Variants in WDR7 observed in about 807,000 individuals in gnomAD.
The protein encoded by WDR7 is WD repeat domain 7.
Under a neutral mutation model 169.4 loss-of-function variants are expected in WDR7, and 46 were observed. The observed-to-expected ratio is 0.27, with a 90% CI of 0.21 to 0.35. The LOEUF (loss-of-function observed/expected upper bound fraction) is 0.35, where lower values mean the gene tolerates loss of function less well. Among genes scored for constraint, WDR7 ranks in the 10% least tolerant of loss-of-function variants. The pLI is 1.00. For missense variants in WDR7, 1,534 were observed against 1,859.3 expected, an observed-to-expected ratio of 0.83 and a Z score of 3.22; for synonymous variants, 612 against 666.8, an observed-to-expected ratio of 0.92 and a Z score of 1.27.
At chr18:56,981,864 A>G (rs2047649712) in intron 26 of WDR7, among the ~76,000 whole-genome samples, 2 of 152,202 alleles carry the variant, frequency 1.3e-5, no homozygotes, top group African/African-American at 4.8e-5. Context: ...TTTGCTTTTT[A>G]AGATGTCTGT....
chr18:56,753,746 G>A (rs1316005839), intron 14 of WDR7, among the ~76,000 whole-genome samples: 1 of 151,994 alleles, frequency 6.6e-6, no homozygotes, highest in Admixed American at 6.6e-5. Context: ...TAAAGGAAGA[G>A]CATTTTGGGA....
intron 20 of WDR7, among the ~76,000 whole-genome samples, chr18:56,866,783 A>C (rs943319259): frequency 6.6e-6 from 1 of 151,946 alleles, no homozygotes; most frequent in Non-Finnish European, 1.5e-5. Context: ...TCTTGACTTT[A>C]TGTTCCTTTT....
At chr18:56,901,654 C>A (rs2046403595) in intron 21 of WDR7, among the ~76,000 whole-genome samples, 1 of 152,014 alleles carries the variant, frequency 6.6e-6, no homozygotes, top group Non-Finnish European at 1.5e-5. Flanking sequence ...TGTACAAATT[C>A]TATATTTAAC....
intron 25 of WDR7, among the ~76,000 whole-genome samples, chr18:56,944,082 A>G (rs1258269019): frequency 7.5e-6 from 1 of 134,104 alleles, no homozygotes; most frequent in Middle Eastern, 5.0e-3. Context: ...TCTGCCTCCC[A>G]GGTTCAAGCA....
intron 1 of WDR7, among the ~76,000 whole-genome samples, chr18:56,662,637 G>T (rs1273545120): frequency 6.6e-6 from 1 of 152,108 alleles, no homozygotes; most frequent in Non-Finnish European, 1.5e-5. Flanking sequence ...TTCACTTGAG[G>T]CAAACGTTAG....
intron 5 of WDR7, among the ~76,000 whole-genome samples, chr18:56,685,479 G>A (rs955825057): frequency 1.3e-5 from 2 of 152,096 alleles, no homozygotes; most frequent in African/African-American, 4.8e-5. Flanking sequence ...TGAAGCTTAG[G>A]AACTTAGATT....
intron 14 of WDR7, among the ~76,000 whole-genome samples, chr18:56,746,526 G>A (rs1356569554): frequency 6.6e-6 from 1 of 152,078 alleles, no homozygotes; most frequent in African/African-American, 2.4e-5. Flanking sequence ...ATATGCTTGT[G>A]CCACCCTTCA....
At chr18:57,014,200 C>T (rs1431430736) in intron 26 of WDR7, among the ~76,000 whole-genome samples, 1 of 151,842 alleles carries the variant, frequency 6.6e-6, no homozygotes, top group Non-Finnish European at 1.5e-5. Context: ...ATGGCATGCA[C>T]CTGTAATCCC....
In WDR7 at chr18:56,655,798, C is replaced by T. The variant is rs543782847; in HGVS notation, c.-20+4222C>T. 3.3e-5 allele frequency among the ~76,000 whole-genome samples: 5 copies of T among 152,240 alleles called. No individual in the cohort carries two copies. The South Asian group carries it at 6.2e-4, about 19-fold the overall frequency. On this transcript the variant is annotated intron_variant, in intron 1 of 27. Coordinates refer to ENST00000254442, the MANE Select transcript of WDR7 (RefSeq NM_015285.3). ...TACCAGAGTGCTATATAAATGGAATCCTATAGCATGTAATCTTTTGAAATT... is the reference window on the plus strand; with the variant it reads ...TACCAGAGTGCTATATAAATGGAATTCTATAGCATGTAATCTTTTGAAATT...
chr18:56,913,438 CATCTAATCCCTAAATTA>C (rs1222628283), intron 21 of WDR7, among the ~76,000 whole-genome samples: 76 of 152,182 alleles, frequency 5.0e-4, no homozygotes, highest in African/African-American at 1.8e-3. Flanking sequence ...GTCATGACTA[CATCTAATCCCTAAATTA>C]ATCCTGTCCA....
chr18:56,965,506 A>G (rs117177064), intron 26 of WDR7, among the ~76,000 whole-genome samples: 6 of 150,668 alleles, frequency 4.0e-5, no homozygotes, highest in Admixed American at 4.0e-4. Context: ...AAACCACAGG[A>G]TAAGTATGGC....
intron 6 of WDR7, 42 bp downstream of exon 6, chr18:56,686,074 T>C: frequency 6.6e-7 from 1 of 1,521,238 alleles, no homozygotes; most frequent in Non-Finnish European, 8.9e-7. Context: ...GTTTTTATTC[T>C]CTGTAGCTCA....
At chr18:57,030,370 C>A (rs775760593), downstream of WDR7, 1 of 152,174 alleles carries the variant, frequency 6.6e-6, no homozygotes, top group Non-Finnish European at 1.5e-5. Flanking sequence ...TGTAAGAATT[C>A]GGTGAACATT....
intron 19 of WDR7, among the ~76,000 whole-genome samples, chr18:56,797,247 G>A (rs140993990): frequency 6.2e-4 from 95 of 152,228 alleles, no homozygotes; most frequent in African/African-American, 2.0e-3. Flanking sequence ...CTAATCTTGT[G>A]GATGTAGAAG....
Position 56,939,304 on chromosome 18 carries a change from G to C in WDR7, c.3982-7G>C, listed in dbSNP as rs763419444. 1 of 1,497,106 alleles carries C rather than the reference G, an allele frequency of 6.7e-7. No individual in the cohort carries two copies. Among genetic ancestry groups the C allele is most frequent in the African/African-American group, 1.4e-5 (1 of 69,950 alleles). The allele number at this position is 1,497,106 out of a possible 1,614,324, so 92.7% of individuals were successfully genotyped here. Reference sequence around the variant, plus strand: ...ATTAATTTTAAATCTGTTCTTTTCTGTCAAAGGTTATGGACATCATTATGT... The same window carrying C: ...ATTAATTTTAAATCTGTTCTTTTCTCTCAAAGGTTATGGACATCATTATGT... On this transcript the variant is annotated splice_region_variant and splice_polypyrimidine_tract_variant and intron_variant, in intron 24 of 27. Transcript: ENST00000254442.
Position 56,933,144 on chromosome 18 carries a change from C to G in WDR7, c.3714-2644C>G, listed in dbSNP as rs76869402. On this transcript the variant is annotated intron_variant, in intron 22 of 27. Coordinates refer to ENST00000254442, the MANE Select transcript of WDR7 (RefSeq NM_015285.3). ...GAAGCCAGACCCTTTCTCTTAGCAC[C>G]TAGGGAGAAGTATATCCACGGGGAG... 3.2e-3 allele frequency among the ~76,000 whole-genome samples: 491 copies of G among 152,194 alleles called. 4 individuals carry two copies. Among genetic ancestry groups the G allele is most frequent in the African/African-American group, 0.011 (469 of 41,524 alleles).
At chr18:57,016,747 A>G (rs1054025871) in intron 26 of WDR7, among the ~76,000 whole-genome samples, 12 of 152,204 alleles carry the variant, frequency 7.9e-5, no homozygotes, top group African/African-American at 2.9e-4. Flanking sequence ...TCTGCTTCCC[A>G]GTTCCTTTTC....
chr18:56,978,589 C>G (rs1197737301), intron 26 of WDR7, among the ~76,000 whole-genome samples: 1 of 152,176 alleles, frequency 6.6e-6, no homozygotes, highest in African/African-American at 2.4e-5. Context: ...AATACAAACC[C>G]AGTATTTCCT....
chr18:56,787,551 C>T (rs768997019), intron 19 of WDR7, among the ~76,000 whole-genome samples: 3 of 152,120 alleles, frequency 2.0e-5, no homozygotes, highest in East Asian at 1.9e-4. Context: ...TTGTTCTTAT[C>T]GAGTCCCTGC....
Sources: gnomAD v4.1 joint callset for allele counts (sites outside exome capture counted in the v4.1 genomes callset) on GRCh38, gnomAD v4.1.1 for gene constraint, MANE v1.5 for transcripts, NCBI Gene and HGNC (gene_info 2026-07-23, HGNC 2026-07-21) for gene names.